Variants in TBC1D5 observed in about 807,000 individuals in gnomAD.
TBC1D5 encodes the protein TBC1 domain family member 5.
In TBC1D5, 75 loss-of-function variants were observed where a neutral mutation model predicts 100.3. The ratio of observed to expected loss-of-function variants is 0.75; its 90% confidence interval spans 0.62 to 0.91. TBC1D5 has a LOEUF of 0.91. TBC1D5 is among the 40% of genes least tolerant of loss of function. The pLI, the probability that TBC1D5 is intolerant of heterozygous loss-of-function variation, is 0.00. For synonymous variants in TBC1D5, 323 were observed against 325.6 expected (o/e 0.99, Z 0.09); for missense variants, 910 against 942.4 (o/e 0.97, Z 0.45).
chr3:17,395,305 G>A (rs564040443), intron 8 of TBC1D5, among the ~76,000 whole-genome samples: 1 of 151,900 alleles, frequency 6.6e-6, no homozygotes, highest in African/African-American at 2.4e-5. Context: ...AAAAAATTAG[G>A]AAAAAATATA....
At chr3:17,284,111 C>T (rs865780272) in intron 15 of TBC1D5, among the ~76,000 whole-genome samples, 11 of 150,978 alleles carry the variant, frequency 7.3e-5, no homozygotes, top group Admixed American at 2.0e-4. Flanking sequence ...CACACACACA[C>T]ACACACACAC....
intron 2 of TBC1D5, among the ~76,000 whole-genome samples, chr3:17,614,764 C>G (rs2062000040): frequency 6.6e-6 from 1 of 152,168 alleles, no homozygotes; most frequent in African/African-American, 2.4e-5. Context: ...AGTTGCTTAT[C>G]AGCTTAAGGA....
chr3:17,720,396 A>G (rs981386650), intron 1 of TBC1D5, among the ~76,000 whole-genome samples: 2 of 152,214 alleles, frequency 1.3e-5, no homozygotes, highest in African/African-American at 4.8e-5. Flanking sequence ...AAATGCAATC[A>G]GCTAATACAT....
At chr3:17,290,650 T>A (rs1358383089) in intron 15 of TBC1D5, among the ~76,000 whole-genome samples, 1 of 152,188 alleles carries the variant, frequency 6.6e-6, no homozygotes, top group Non-Finnish European at 1.5e-5. Flanking sequence ...AGATATTTTG[T>A]CATCTTGTGG....
At chr3:17,740,898 G>A (rs1398505181) in exon 1 of TBC1D5, 3 of 152,142 alleles carry the variant, frequency 2.0e-5, no homozygotes, top group African/African-American at 7.2e-5. Context: ...CAGACCAGGT[G>A]ATGCAGTCAC....
At chr3:17,180,929 A>G (rs1196000044) in intron 19 of TBC1D5, among the ~76,000 whole-genome samples, 2 of 151,946 alleles carry the variant, frequency 1.3e-5, no homozygotes, top group Non-Finnish European at 1.5e-5. Flanking sequence ...AAAAAAAAAA[A>G]AAAAAGAAAA....
rs147315662 is a variant in TBC1D5 at position 17,501,704 on chromosome 3, C to T, written c.97+6770G>A. Reference sequence around the variant, plus strand: ...ATTCTTCAACCATCAACTTCCTTGCCTACTGTTTACCTGTTATACAGCCCT... The same window carrying T: ...ATTCTTCAACCATCAACTTCCTTGCTTACTGTTTACCTGTTATACAGCCCT... On this transcript the variant is annotated intron_variant, in intron 3 of 21. Transcript: ENST00000253692. 2.1e-3 allele frequency among the ~76,000 whole-genome samples: 316 copies of T among 149,452 alleles called. 29 individuals are homozygous for T. Among genetic ancestry groups the T allele is most frequent in the African/African-American group, 7.4e-3 (293 of 39,366 alleles).
At chr3:17,548,110 C>T (rs966339970) in intron 2 of TBC1D5, among the ~76,000 whole-genome samples, 1 of 151,944 alleles carries the variant, frequency 6.6e-6, no homozygotes, top group Admixed American at 6.6e-5. Flanking sequence ...GTCAGGAGAT[C>T]GAGACCATCC....
At chr3:17,577,912 G>C (rs1052030501) in intron 2 of TBC1D5, among the ~76,000 whole-genome samples, 1 of 151,926 alleles carries the variant, frequency 6.6e-6, no homozygotes, top group African/African-American at 2.4e-5. Flanking sequence ...AAAAAAAGGA[G>C]ATGACTTCCC....
chr3:17,594,693 A>G (rs1205836230), intron 2 of TBC1D5, among the ~76,000 whole-genome samples: 2 of 152,212 alleles, frequency 1.3e-5, no homozygotes, highest in African/African-American at 2.4e-5. Context: ...AACTATATGT[A>G]ATAGTATTTG....
intron 1 of TBC1D5, among the ~76,000 whole-genome samples, chr3:17,695,305 T>C (rs1436951935): frequency 6.6e-6 from 1 of 152,012 alleles, no homozygotes; most frequent in Non-Finnish European, 1.5e-5. Flanking sequence ...GACTGGCAAA[T>C]TGGATAAAGA....
At chr3:17,175,677 C>T (rs2067642630) in intron 19 of TBC1D5, among the ~76,000 whole-genome samples, 1 of 152,180 alleles carries the variant, frequency 6.6e-6, no homozygotes, top group Non-Finnish European at 1.5e-5. Flanking sequence ...AGAGATAGGA[C>T]AGCAGTTTGG....
In TBC1D5 at chr3:17,211,818, A is replaced by G. The variant is rs190599889; in HGVS notation, c.1752+2389T>C. On this transcript the variant is annotated intron_variant, in intron 18 of 21. Transcript: ENST00000253692. Reference sequence around the variant, plus strand: ...TGGAATTTTAGGAGGGAACAGAGCTAAATGCTTGCACTAAAGGTGCCAGGT... The same window carrying G: ...TGGAATTTTAGGAGGGAACAGAGCTGAATGCTTGCACTAAAGGTGCCAGGT... 6.8e-4 allele frequency among the ~76,000 whole-genome samples: 104 copies of G among 152,300 alleles called. 3 individuals carry two copies. The highest frequency in any genetic ancestry group is 2.1e-3 in the African/African-American group (88 of 41,568).
At chr3:17,609,690 A>G (rs2061547444) in intron 2 of TBC1D5, among the ~76,000 whole-genome samples, 2 of 152,134 alleles carry the variant, frequency 1.3e-5, no homozygotes, top group East Asian at 1.9e-4. Flanking sequence ...ATTTTTATCT[A>G]TAGTTCTGGC....
chr3:17,545,545 A>T (rs1280913188), intron 2 of TBC1D5, among the ~76,000 whole-genome samples: 1 of 152,220 alleles, frequency 6.6e-6, no homozygotes, highest in Non-Finnish European at 1.5e-5. Flanking sequence ...TAAGCAACAT[A>T]CTGCATCAAG....
At chr3:17,637,533 C>T (rs1264483582) in intron 1 of TBC1D5, among the ~76,000 whole-genome samples, 2 of 150,774 alleles carry the variant, frequency 1.3e-5, no homozygotes, top group African/African-American at 2.4e-5. Flanking sequence ...ATAACAGACC[C>T]GAAGTAGATA....
intron 16 of TBC1D5, 47 bp from the exon 17 acceptor site, chr3:17,238,466 T>C: frequency 6.4e-7 from 1 of 1,562,752 alleles, no homozygotes; most frequent in Non-Finnish European, 8.7e-7. Flanking sequence ...TAGAGGATGA[T>C]TCTATTTCAC....
At chr3:17,389,627 A>G (rs963575904) in intron 8 of TBC1D5, among the ~76,000 whole-genome samples, 3 of 152,096 alleles carry the variant, frequency 2.0e-5, no homozygotes. Context: ...AAACCTTCAG[A>G]TGATTCCAGA....
intron 17 of TBC1D5, among the ~76,000 whole-genome samples, chr3:17,226,860 T>C (rs1375868704): frequency 1.3e-5 from 2 of 152,206 alleles, no homozygotes; most frequent in South Asian, 2.1e-4. Flanking sequence ...CATTCTTAAA[T>C]ACATTAAATA....
Sources: gnomAD v4.1 joint callset for allele counts (sites outside exome capture counted in the v4.1 genomes callset) on GRCh38, gnomAD v4.1.1 for gene constraint, MANE v1.5 for transcripts, NCBI Gene and HGNC (gene_info 2026-07-23, HGNC 2026-07-21) for gene names.